The following NPC1L1 variants were observed in gnomAD, a reference collection of about 807,000 sequenced individuals.
NPC1L1 encodes NPC1-like intracellular cholesterol transporter 1.
In NPC1L1, 98 loss-of-function variants were observed where a neutral mutation model predicts 117.0. The ratio of observed to expected loss-of-function variants is 0.84; its 90% CI spans 0.71 to 0.99. The LOEUF (loss-of-function observed/expected upper bound fraction) is 0.99. Among genes scored for constraint, NPC1L1 ranks in the 50% least tolerant of loss-of-function variants. The probability of loss-of-function intolerance (pLI) is 0.00; values close to 1 mark genes in which losing one functional copy is unlikely to be tolerated. For synonymous variants in NPC1L1, 729 were observed against 727.6 expected, an observed-to-expected ratio of 1.00 and a Z score of -0.03; for missense variants, 1,540 against 1,710.0, an observed-to-expected ratio of 0.90 and a Z score of 1.75.
At position 44,536,525 on chromosome 7, in the gene NPC1L1, C is replaced by T; in HGVS notation, c.1682-97G>A. Reference sequence around the variant, plus strand: ...TTCCCTCCCCCTATCTAGCTGCACCCCTCCCATCACCCCTTGCTCCTTCTC... The same window carrying T: ...TTCCCTCCCCCTATCTAGCTGCACCTCTCCCATCACCCCTTGCTCCTTCTC... On this transcript the variant is annotated intron_variant, in intron 3 of 18. Transcript: ENST00000381160. The surrounding 1 kb of genome is among the most constrained non-coding windows in gnomAD (Gnocchi z 4.7). 7.6e-7 allele frequency: 1 copy of T among 1,324,146 alleles called. No individual in the cohort carries two copies. The allele number at this position is 1,324,146 out of a possible 1,614,324, so 82.0% of individuals were successfully genotyped here. A position where few individuals can be genotyped will look rare whatever the true frequency, so the allele number is the denominator to read the frequency against.
rs764573467 is a variant in NPC1L1, at chr7:44,534,559, C to A, written c.2054G>T (p.Gly685Val). 6.2e-7 allele frequency: 1 copy of A among 1,614,164 alleles called. No homozygotes were observed. Among genetic ancestry groups the A allele is most frequent in the Non-Finnish European group, 8.5e-7 (1 of 1,180,006 alleles). Reference sequence around the variant, plus strand: ...GCGGATACCCAAGTAGGAGAAGAAGCCCATGGCAGCCATGACTGCTCCCAG... The same window carrying A: ...GCGGATACCCAAGTAGGAGAAGAAGACCATGGCAGCCATGACTGCTCCCAG... Reference protein sequence around the residue: ...VVLGAVMAAMGFFSYLGIRSS... With the variant: ...VVLGAVMAAMVFFSYLGIRSS... Residue 685 changes from glycine to valine, a missense_variant, in exon 6 of 19, where the codon GGC (glycine) becomes GTC (valine). Physicochemically the swap from Gly to Val is moderately radical, Grantham distance 109 (BLOSUM62 -3). This residue lies in a region of NPC1L1 where 742 missense variants were observed against 873.6 expected (regional missense o/e 0.85). Coordinates refer to ENST00000381160, the MANE Select transcript of NPC1L1 (RefSeq NM_001101648.2). The surrounding 1 kb of genome is among the most constrained non-coding windows in gnomAD (Gnocchi z 5.2).
chr7:44,529,124 C>T (rs1315822691), intron 10 of NPC1L1, among the ~76,000 whole-genome samples: 2 of 106,294 alleles, frequency 1.9e-5, no homozygotes, highest in African/African-American at 6.9e-5. Flanking sequence ...CACACACACA[C>T]ACACACACAC....
At chr7:44,528,028 T>C (rs1413440554) in intron 10 of NPC1L1, among the ~76,000 whole-genome samples, 3 of 152,212 alleles carry the variant, frequency 2.0e-5, no homozygotes. Context: ...TTTTGTCATG[T>C]TGGCCAGGCT....
At position 44,522,322 on chromosome 7, in the gene NPC1L1, G is replaced by A. The variant is rs546119222; in HGVS notation, c.2638-80C>T. ...GCTCAATCCAGCTCACACTCTCGAAGGTACACACAGAGGTACATGCTAAAA... is the reference window on the plus strand; with the variant it reads ...GCTCAATCCAGCTCACACTCTCGAAAGTACACACAGAGGTACATGCTAAAA... On this transcript the variant is annotated intron_variant, in intron 10 of 18. Transcript: ENST00000381160. 2.3e-6 allele frequency: 3 copies of A among 1,332,310 alleles called. No homozygotes were observed. In the South Asian group the frequency reaches 3.8e-5, roughly 17 times the overall value. 82.5% of individuals were successfully genotyped at this position (1,332,310 alleles called of 1,614,324 possible).
At chr7:44,535,137 G>A (rs1801833327) in intron 5 of NPC1L1, among the ~76,000 whole-genome samples, 1 of 152,102 alleles carries the variant, frequency 6.6e-6, no homozygotes, top group Non-Finnish European at 1.5e-5. Flanking sequence ...CACTTTGGGT[G>A]GGCGGATCAC....
In NPC1L1 at chr7:44,535,955, T is replaced by C; in HGVS notation, c.1868A>G (p.Asp623Gly). 6.2e-7 allele frequency: 1 copy of C among 1,613,200 alleles called. No homozygotes were observed. ...VTFMAERSLEDEINRTTAEDL... is the reference protein window; with the variant it reads ...VTFMAERSLEGEINRTTAEDL... ...TTCAGCTGTGGTGCGATTGATCTCG[T>C]CTTCCAGAGAGCGCTGTGGACACAC... Residue 623 changes from aspartate to glycine, a missense_variant, in exon 5 of 19, where the codon GAC becomes GGC. Transcript: ENST00000381160.
At chr7:44,535,707 C>T (rs1308264159) in intron 5 of NPC1L1, 133 bp downstream of exon 5, 2 of 1,232,196 alleles carry the variant, frequency 1.6e-6, no homozygotes, top group Admixed American at 1.9e-5. Context: ...AGGTATTACC[C>T]TTTGGGGCAG....
chr7:44,533,235 A>T (rs532932424), intron 8 of NPC1L1, 196 bp downstream of exon 8: 92 of 597,296 alleles, frequency 1.5e-4, no homozygotes, highest in African/African-American at 1.2e-3. Flanking sequence ...GATTATATTT[A>T]AAAAATTGTC....
chr7:44,537,607 C>G (rs1041365577), intron 2 of NPC1L1, among the ~76,000 whole-genome samples: 3 of 152,154 alleles, frequency 2.0e-5, no homozygotes, highest in African/African-American at 7.2e-5. Flanking sequence ...AGCTCTCTAC[C>G]CCCCTCTCTC....
At chr7:44,521,645 C>A (rs960440535) in intron 12 of NPC1L1, 67 bp downstream of exon 12, 1 of 1,612,550 alleles carries the variant, frequency 6.2e-7, no homozygotes, top group Non-Finnish European at 8.5e-7. Context: ...CTCCAGTCCT[C>A]TCCTTTCTGT....
rs777949850 is a variant in NPC1L1 at position 44,539,714 on chromosome 7, G to T, written c.683C>A (p.Ala228Asp). The change falls in exon 2 of 19, where the codon GCC becomes GAC. Residue 228 changes from alanine to aspartate, a missense_variant. By Grantham distance (126) the Ala-to-Asp change is moderately radical (BLOSUM62 -2). Transcript: ENST00000381160. This position sits in a 1 kb window ranked among gnomAD's most constrained non-coding sequence, Gnocchi z 4.4. ...CAGAGGCTGAATCCCACTCCCCACG[G>T]CCTGGCCAGGCTCCAAGAGGTGGAA... The part of the protein sequence containing the change: ...ITFHLLEPGQ[A>D]VGSGIQPLNE... The T allele has an allele frequency of 6.2e-7, 1 of 1,614,090 alleles. No homozygotes were observed. The highest frequency in any genetic ancestry group is 1.7e-4 in the Middle Eastern group (1 of 6,058).
chr7:44,521,641 T>C, intron 12 of NPC1L1, 71 bp downstream of exon 12: 1 of 1,610,912 alleles, frequency 6.2e-7, no homozygotes, highest in Non-Finnish European at 8.5e-7. Flanking sequence ...GCCTCTCCAG[T>C]CCTCTCCTTT....
At position 44,515,981 on chromosome 7, in the gene NPC1L1, C is replaced by T. The variant is rs761935007; in HGVS notation, c.3634-16G>A. 1.2e-6 allele frequency: 2 copies of T among 1,613,268 alleles called. No individual in the cohort carries two copies. Among genetic ancestry groups the T allele is most frequent in the Non-Finnish European group, 1.7e-6 (2 of 1,179,660 alleles). ...CTGCAAACACCTGGGGGGTTCAGAG[C>T]CAGGTGTCAGGCAGGGCACAGGGCA... On this transcript the variant is annotated splice_polypyrimidine_tract_variant and intron_variant, in intron 17 of 18. Transcript: ENST00000381160.
chr7:44,539,908 G>T lies in NPC1L1; in HGVS notation c.489C>A (p.Ser163Arg), dbSNP rs1802035527. 1 of 1,614,058 alleles carries T rather than the reference G, an allele frequency of 6.2e-7. No individual in the cohort carries two copies. The highest frequency in any genetic ancestry group is 8.5e-7 in the Non-Finnish European group (1 of 1,180,062). Reference sequence around the variant, plus strand: ...AGGAGTCATAGCTCTGCTCGGCAAAGCTATGCTGGTAGAAGGCCTCATAGG... The same window carrying T: ...AGGAGTCATAGCTCTGCTCGGCAAATCTATGCTGGTAGAAGGCCTCATAGG... Reference protein sequence around the residue: ...VVAYEAFYQHSFAEQSYDSCS... With the variant: ...VVAYEAFYQHRFAEQSYDSCS... The change falls in exon 2 of 19, where the codon AGC (serine) becomes AGA (arginine). Residue 163 changes from serine to arginine, a missense_variant. Around this residue, in one of 3 missense-constraint regions of NPC1L1, gnomAD observed 793 missense variants for 820.4 expected, o/e 0.97. Coordinates refer to ENST00000381160, the MANE Select transcript of NPC1L1 (RefSeq NM_001101648.2). The surrounding 1 kb of genome is among the most constrained non-coding windows in gnomAD (Gnocchi z 4.4).
rs754231984 is a variant in NPC1L1 at position 44,540,005 on chromosome 7, G to A, written c.392C>T (p.Pro131Leu). 2 of 1,614,248 alleles carry A rather than the reference G, an allele frequency of 1.2e-6. No homozygotes were observed. Among genetic ancestry groups the A allele is most frequent in the East Asian group, 4.5e-5 (2 of 44,890 alleles). Residue 131 changes from proline to leucine, a missense_variant, in exon 2 of 19, where the codon CCC becomes CTC. Transcript: ENST00000381160. Reference protein sequence around the residue: ...VNLHCHNTCSPNQSLFINVTR... With the variant: ...VNLHCHNTCSLNQSLFINVTR... ...CACATTGATGAAGAGGCTCTGATTG[G>A]GGCTGCACGTGTTGTGGCAGTGCAG...
In NPC1L1 at chr7:44,513,343, C is replaced by A; in HGVS notation, c.*104G>T. 1 of 1,123,898 alleles carries A rather than the reference C, an allele frequency of 8.9e-7. No homozygotes were observed. The highest frequency in any genetic ancestry group is 2.4e-5 in the East Asian group (1 of 41,886). 69.6% of individuals were successfully genotyped at this position (1,123,898 alleles called of 1,614,324 possible). A position where few individuals can be genotyped will look rare whatever the true frequency, so the allele number is the denominator to read the frequency against. On this transcript the variant is annotated 3_prime_UTR_variant, in exon 19 of 19. Coordinates refer to ENST00000381160, the MANE Select transcript of NPC1L1 (RefSeq NM_001101648.2). ...ACAGGCAGTCTCATGGGAATGGCCT[C>A]CCCTAGGATTTGAGGAGGGCGTGTG... is the stretch of plus-strand genomic sequence containing the variant.
In NPC1L1 at chr7:44,522,056, C is replaced by T. The variant is rs540754512; in HGVS notation, c.2824G>A (p.Glu942Lys). 9.9e-5 allele frequency: 159 copies of T among 1,613,742 alleles called. No individual in the cohort carries two copies. The East Asian group carries it at 2.4e-3, about 24-fold the overall frequency. The change falls in exon 11 of 19, where the codon GAG (glutamate) becomes AAG (lysine). Residue 942 changes from glutamate (E) to lysine (K), a missense_variant. By Grantham distance (56) the Glu-to-Lys change is moderately conservative (BLOSUM62 1). Coordinates refer to ENST00000381160, the MANE Select transcript of NPC1L1 (RefSeq NM_001101648.2). ...QKIQYATEFP[E>K]QSYLAIPASS... ...TGGGGCGGGCCAGGAACTCACTGCT[C>T]AGGGAACTCTGTGGCATACTGGATC... is the stretch of plus-strand genomic sequence containing the variant.
chr7:44,540,410 CAGGG>C, intron 1 of NPC1L1, 68 bp from the exon 2 acceptor site: 2 of 1,430,456 alleles, frequency 1.4e-6, no homozygotes, highest in Non-Finnish European at 1.9e-6. Context: ...AGCAGGCAGC[CAGGG>C]AGGGTGTGAG....
At position 44,516,122 on chromosome 7, in the gene NPC1L1, C is replaced by A. The variant is rs1331055401; in HGVS notation, c.3595G>T (p.Glu1199Ter). The change falls in exon 17 of 19, where the codon GAG (glutamate) becomes TAG (stop). Residue 1199 changes from glutamate (E) to a stop codon, truncating the protein, a stop_gained. Transcript: ENST00000381160. LOFTEE classifies it high-confidence loss of function. ...GAGATGGTGGCCTCTTTGGCCCTCT[C>A]CAGCCAGGTGGGCTTGGTGCTGATG... ...FAISTKPTWL[E>*]RAKEATISMG... is the part of the protein sequence containing the mutation. 6.2e-7 allele frequency: 1 copy of A among 1,612,936 alleles called. No homozygotes were observed. Among genetic ancestry groups the A allele is most frequent in the Non-Finnish European group, 8.5e-7 (1 of 1,179,596 alleles).
Sources: allele counts gnomAD v4.1 joint callset (sites outside exome capture counted in the v4.1 genomes callset), GRCh38; gene constraint gnomAD v4.1.1; regional missense constraint gnomAD v4.1.1; non-coding constraint Gnocchi (gnomAD v3.1); transcripts MANE v1.5; gene names NCBI Gene and HGNC (gene_info 2026-07-23, HGNC 2026-07-21).